CLYBL: variants seen among roughly 807,000 people sequenced by gnomAD.
The protein encoded by CLYBL is citramalyl-CoA lyase, mitochondrial.
A neutral mutation model predicts 38.9 loss-of-function variants in CLYBL; 31 were observed. The observed-to-expected ratio is 0.80, with a 90% CI of 0.60 to 1.08. The LOEUF (loss-of-function observed/expected upper bound fraction) is 1.08. Among genes scored for constraint, CLYBL ranks in the 50% least tolerant of loss-of-function variants. The pLI, the probability that CLYBL is intolerant of heterozygous loss-of-function variation, is 0.00. For synonymous variants in CLYBL, 171 were observed against 158.6 expected (o/e 1.08, Z -0.59); for missense variants, 434 against 411.6 (o/e 1.05, Z -0.47).
At chr13:99,674,697 G>A (rs933557585) in intron 1 of CLYBL, among the ~76,000 whole-genome samples, 5 of 152,244 alleles carry the variant, frequency 3.3e-5, no homozygotes, top group South Asian at 2.1e-4. Context: ...TAAGGGATGC[G>A]TAAGAAGAAG....
intron 5 of CLYBL, 54 bp downstream of exon 5, chr13:99,864,965 GTA>G: frequency 7.9e-7 from 1 of 1,262,068 alleles, no homozygotes; most frequent in South Asian, 1.2e-5. Context: ...GTATATGTGT[GTA>G]TATATTTTTT....
rs1415867882 is a variant in CLYBL, at chr13:99,658,057, C to T, written c.62+51300C>T. Among the ~76,000 whole-genome samples, 3 of 152,224 alleles carry T rather than the reference C, an allele frequency of 2.0e-5. No individual in the cohort carries two copies. The East Asian group carries it at 5.8e-4, about 29-fold the overall frequency. Reference sequence around the variant, plus strand: ...CAGCCCTCCCTGCCCGCTGGTGCCGCGGTCCCTCTCGGCTGCAGCAGTGGG... The same window carrying T: ...CAGCCCTCCCTGCCCGCTGGTGCCGTGGTCCCTCTCGGCTGCAGCAGTGGG... On this transcript the variant is annotated intron_variant, in intron 1 of 8. Coordinates refer to ENST00000339105, the MANE Select transcript of CLYBL (RefSeq NM_206808.5).
At chr13:99,791,360 T>TAA (rs57869213) in intron 2 of CLYBL, among the ~76,000 whole-genome samples, 1,930 of 146,576 alleles carry the variant, frequency 0.013, 22 homozygotes, top group Non-Finnish European at 0.019. Context: ...GTGTCTTTTT[T>TAA]AAAAAAAAAA....
chr13:99,687,644 G>A (rs2047837619), intron 1 of CLYBL, among the ~76,000 whole-genome samples: 1 of 152,144 alleles, frequency 6.6e-6, no homozygotes, highest in African/African-American at 2.4e-5. Flanking sequence ...AAGACATAAG[G>A]GACTATACTT....
intron 1 of CLYBL, among the ~76,000 whole-genome samples, chr13:99,622,971 T>C (rs1342003488): frequency 6.6e-6 from 1 of 152,140 alleles, no homozygotes; most frequent in Non-Finnish European, 1.5e-5. Context: ...TAGCTAGGAC[T>C]GCAGGCACCC....
At chr13:99,822,104 C>T (rs12855403) in intron 2 of CLYBL, among the ~76,000 whole-genome samples, 15 of 152,194 alleles carry the variant, frequency 9.9e-5, no homozygotes, top group Admixed American at 3.3e-4. Context: ...CTAGTCAAGC[C>T]ACCAGATAAC....
intron 8 of CLYBL, among the ~76,000 whole-genome samples, chr13:99,904,440 T>G (rs9585270): frequency 0.15 from 22,414 of 152,244 alleles, 1,876 homozygotes; most frequent in African/African-American, 0.21. Context: ...ATGAATTGAT[T>G]TGATAAGGAA....
At chr13:99,667,168 G>A (rs76377730) in intron 1 of CLYBL, among the ~76,000 whole-genome samples, 5,013 of 152,092 alleles carry the variant, frequency 0.033, 284 homozygotes, top group African/African-American at 0.12. Flanking sequence ...GGGGACTGGG[G>A]GACTGTCAGA....
At position 99,694,134 on chromosome 13, in the gene CLYBL, T is replaced by A. The variant is rs116316114; in HGVS notation, c.63-78690T>A. On this transcript the variant is annotated intron_variant, in intron 1 of 8. Transcript: ENST00000339105. ...CCTCTTTCCTTCATCTGTGAGGCATTTCAGTGGTCACAGTAGAATTGGGCT... is the reference window on the plus strand; with the variant it reads ...CCTCTTTCCTTCATCTGTGAGGCATATCAGTGGTCACAGTAGAATTGGGCT... Among the ~76,000 whole-genome samples the A allele has an allele frequency of 2.6e-3, 393 of 152,316 alleles. 1 individual carries two copies. The highest frequency in any genetic ancestry group is 9.1e-3 in the African/African-American group (379 of 41,568).
intron 2 of CLYBL, among the ~76,000 whole-genome samples, chr13:99,777,884 G>T (rs2049556772): frequency 6.6e-6 from 1 of 152,182 alleles, no homozygotes; most frequent in African/African-American, 2.4e-5. Context: ...TTTGAAATAT[G>T]TACAAGGTCA....
intron 1 of CLYBL, among the ~76,000 whole-genome samples, chr13:99,648,250 C>T (rs1040668929): frequency 6.6e-6 from 1 of 152,116 alleles, no homozygotes; most frequent in Admixed American, 6.5e-5. Context: ...GAGGGCATCT[C>T]ACAATTGGCA....
chr13:99,656,226 G>A lies in CLYBL; in HGVS notation c.62+49469G>A, dbSNP rs140166235. On this transcript the variant is annotated intron_variant, in intron 1 of 8. Coordinates refer to ENST00000339105, the MANE Select transcript of CLYBL (RefSeq NM_206808.5). The stretch of plus-strand genomic sequence containing the variant: ...GAGCCAGGATGCGGTGGAGAAATGG[G>A]GTGGAGAACCCCCAGACCTTAGGGT... 2.0e-3 allele frequency among the ~76,000 whole-genome samples: 308 copies of A among 152,262 alleles called. 2 individuals are homozygous for A. Among genetic ancestry groups the A allele is most frequent in the Non-Finnish European group, 3.6e-3 (247 of 68,028 alleles).
At chr13:99,754,329 G>A (rs948308314) in intron 1 of CLYBL, among the ~76,000 whole-genome samples, 12 of 148,894 alleles carry the variant, frequency 8.1e-5, no homozygotes, top group Non-Finnish European at 1.6e-4. Flanking sequence ...AAGTGGGAGG[G>A]TCACCTGAGT....
intron 2 of CLYBL, among the ~76,000 whole-genome samples, chr13:99,848,705 C>T (rs1295843727): frequency 6.6e-6 from 1 of 152,224 alleles, no homozygotes; most frequent in Non-Finnish European, 1.5e-5. Context: ...CTCCCTGTGC[C>T]CCTTGCTGCC....
intron 1 of CLYBL, among the ~76,000 whole-genome samples, chr13:99,630,802 A>G (rs1202861708): frequency 6.6e-6 from 1 of 152,164 alleles, no homozygotes; most frequent in African/African-American, 2.4e-5. Context: ...CTGTACTTTT[A>G]TACATTCATA....
At chr13:99,653,281 T>A (rs2047281569) in intron 1 of CLYBL, among the ~76,000 whole-genome samples, 1 of 152,046 alleles carries the variant, frequency 6.6e-6, no homozygotes, top group African/African-American at 2.4e-5. Flanking sequence ...TCATGATGGA[T>A]GTACTATTTT....
At chr13:99,700,903 G>A (rs970875081) in intron 1 of CLYBL, among the ~76,000 whole-genome samples, 1 of 152,160 alleles carries the variant, frequency 6.6e-6, no homozygotes, top group African/African-American at 2.4e-5. Context: ...TATTCATTAC[G>A]GAAAAGTTGG....
intron 1 of CLYBL, among the ~76,000 whole-genome samples, chr13:99,676,121 G>T (rs973295807): frequency 6.6e-6 from 1 of 152,116 alleles, no homozygotes; most frequent in African/African-American, 2.4e-5. Flanking sequence ...CTCCCATGGT[G>T]CTGGGATTAC....
Position 99,837,778 on chromosome 13 carries a change from A to G in CLYBL, c.250-21083A>G, listed in dbSNP as rs561451343. ...AGCTTTTCAACCCTGGCCGTCCAGC[A>G]GGGTCACAAGGGGAGCCTTTAGAAG... On this transcript the variant is annotated intron_variant, in intron 2 of 8. Transcript: ENST00000339105. 1.4e-3 allele frequency among the ~76,000 whole-genome samples: 214 copies of G among 152,300 alleles called. 1 individual carries two copies. The highest frequency in any genetic ancestry group is 2.1e-3 in the Non-Finnish European group (145 of 68,042).
Sources: gnomAD v4.1 joint callset for allele counts (sites outside exome capture counted in the v4.1 genomes callset) on GRCh38, gnomAD v4.1.1 for gene constraint, MANE v1.5 for transcripts, NCBI Gene and HGNC (gene_info 2026-07-23, HGNC 2026-07-21) for gene names.